Variants in NLGN1 observed in about 807,000 individuals in gnomAD.
NLGN1 encodes the protein neuroligin 1, also known as neuroligin-1.
In NLGN1, 12 loss-of-function variants were observed where a neutral mutation model predicts 65.5. The ratio of observed to expected loss-of-function variants is 0.18; its 90% confidence interval spans 0.12 to 0.30. The LOEUF (loss-of-function observed/expected upper bound fraction) is 0.30. NLGN1 is among the 10% of genes least tolerant of loss of function. The pLI is 1.00. For missense variants in NLGN1, 750 were observed against 1,007.1 expected (o/e 0.74, Z 3.46); for synonymous variants, 350 against 359.5 (o/e 0.97, Z 0.30).
intron 1 of NLGN1, among the ~76,000 whole-genome samples, chr3:173,432,290 T>G (rs1315972344): frequency 6.6e-6 from 1 of 152,208 alleles, no homozygotes; most frequent in East Asian, 1.9e-4. Flanking sequence ...AGTACTTCTG[T>G]AAGAAATTAC....
At chr3:174,082,574 A>G (rs1212784102) in intron 4 of NLGN1, among the ~76,000 whole-genome samples, 2 of 151,856 alleles carry the variant, frequency 1.3e-5, no homozygotes, top group African/African-American at 4.8e-5. Context: ...ATACAATAGT[A>G]TATACTGTAT....
intron 3 of NLGN1, among the ~76,000 whole-genome samples, chr3:173,689,694 T>C (rs1392065181): frequency 1.3e-5 from 2 of 152,160 alleles, no homozygotes; most frequent in Non-Finnish European, 2.9e-5. Context: ...TCTTGAATTA[T>C]TTTTCATTCT....
At chr3:173,959,141 A>G (rs1248280158) in intron 4 of NLGN1, among the ~76,000 whole-genome samples, 1 of 152,172 alleles carries the variant, frequency 6.6e-6, no homozygotes, top group African/African-American at 2.4e-5. Flanking sequence ...AGGGCAGGAC[A>G]CCTGCCTACT....
At chr3:174,169,867 T>C (rs1375597941) in intron 4 of NLGN1, among the ~76,000 whole-genome samples, 1 of 152,100 alleles carries the variant, frequency 6.6e-6, no homozygotes, top group Non-Finnish European at 1.5e-5. Flanking sequence ...CTTTTCCCAG[T>C]GTCTTTCCCT....
At chr3:173,848,504 A>G (rs1049330244) in intron 4 of NLGN1, among the ~76,000 whole-genome samples, 5 of 152,220 alleles carry the variant, frequency 3.3e-5, no homozygotes, top group African/African-American at 1.2e-4. Context: ...AATAATATAC[A>G]GCAATATTAT....
intron 3 of NLGN1, among the ~76,000 whole-genome samples, chr3:173,704,675 G>T (rs1338559470): frequency 6.6e-6 from 1 of 152,116 alleles, no homozygotes; most frequent in African/African-American, 2.4e-5. Context: ...ACACAGAAAA[G>T]CTCAGTGAGA....
At chr3:173,651,523 T>C (rs1171782781) in intron 3 of NLGN1, among the ~76,000 whole-genome samples, 2 of 152,090 alleles carry the variant, frequency 1.3e-5, no homozygotes, top group Non-Finnish European at 2.9e-5. Flanking sequence ...TCTTATTTCT[T>C]TGAGAAGTCT....
chr3:173,952,572 T>G (rs1748420278), intron 4 of NLGN1, among the ~76,000 whole-genome samples: 1 of 152,184 alleles, frequency 6.6e-6, no homozygotes. Context: ...GTACTTTGGT[T>G]ATTTCATCTA....
intron 2 of NLGN1, among the ~76,000 whole-genome samples, chr3:173,539,489 A>ATGTATGTATATGTATATGTATG (rs1738084153): frequency 6.9e-6 from 1 of 144,480 alleles, no homozygotes; most frequent in Non-Finnish European, 1.5e-5. Context: ...ATGCATGTAT[A>ATGTATGTATATGTATATGTATG]TGTATGTATA....
At chr3:173,576,297 T>A (rs557847813) in intron 2 of NLGN1, among the ~76,000 whole-genome samples, 3 of 152,320 alleles carry the variant, frequency 2.0e-5, no homozygotes, top group South Asian at 4.1e-4. Flanking sequence ...ATTTTTAATA[T>A]CTTTAATATT....
chr3:173,801,885 A>G (rs896282544), intron 3 of NLGN1, among the ~76,000 whole-genome samples: 2 of 152,140 alleles, frequency 1.3e-5, no homozygotes, highest in African/African-American at 4.8e-5. Flanking sequence ...TCAAACATTC[A>G]GGATATTTTG....
intron 4 of NLGN1, among the ~76,000 whole-genome samples, chr3:174,071,788 T>C (rs983761739): frequency 6.6e-6 from 1 of 152,060 alleles, no homozygotes; most frequent in African/African-American, 2.4e-5. Context: ...ATAAGAAATA[T>C]TCTCAGTTCA....
At chr3:173,608,799 T>C (rs796860582) in intron 3 of NLGN1, among the ~76,000 whole-genome samples, 1 of 152,012 alleles carries the variant, frequency 6.6e-6, no homozygotes, top group African/African-American at 2.4e-5. Context: ...TTCTTTTTAT[T>C]CTATCAGTTG....
intron 3 of NLGN1, among the ~76,000 whole-genome samples, chr3:173,765,635 T>C (rs1778674617): frequency 6.6e-6 from 1 of 152,190 alleles, no homozygotes; most frequent in Non-Finnish European, 1.5e-5. Flanking sequence ...ATTGTTATTG[T>C]TCCAATCTCT....
At chr3:174,041,624 A>C (rs1732328838) in intron 4 of NLGN1, among the ~76,000 whole-genome samples, 1 of 152,200 alleles carries the variant, frequency 6.6e-6, no homozygotes, top group East Asian at 1.9e-4. Flanking sequence ...TCAGTCTTTT[A>C]ATATTTGTTA....
intron 4 of NLGN1, among the ~76,000 whole-genome samples, chr3:174,053,691 G>A (rs1735408186): frequency 1.3e-5 from 2 of 151,800 alleles, no homozygotes; most frequent in Admixed American, 1.3e-4. Flanking sequence ...TCTTACTCGA[G>A]CCATCTTGTG....
Position 174,280,455 on chromosome 3 carries a change from C to T in NLGN1, c.1650-26C>T. 2 of 1,467,038 alleles carry T rather than the reference C, an allele frequency of 1.4e-6. No homozygotes were observed. The highest frequency in any genetic ancestry group is 2.8e-5 in the African/African-American group (2 of 70,346). The allele number at this position is 1,467,038 out of a possible 1,614,324, so 90.9% of individuals were successfully genotyped here. A position where few individuals can be genotyped will look rare whatever the true frequency, so the allele number is the denominator to read the frequency against. ...AAGTAAAAAATAAAATAGCTTTATT[C>T]TCATAATTTATCTTTTCCTTCTTAG... On this transcript the variant is annotated intron_variant, in intron 6 of 6. Transcript: ENST00000457714. This position sits in a 1 kb window ranked among gnomAD's most constrained non-coding sequence, Gnocchi z 4.9.
At chr3:173,824,282 T>C (rs1720901969) in intron 4 of NLGN1, among the ~76,000 whole-genome samples, 1 of 152,102 alleles carries the variant, frequency 6.6e-6, no homozygotes, top group Admixed American at 6.6e-5. Context: ...AAATGTCAGC[T>C]TTGCCATTTT....
intron 4 of NLGN1, among the ~76,000 whole-genome samples, chr3:173,846,004 C>A (rs6766827): frequency 0.56 from 84,554 of 151,670 alleles, 25,794 homozygotes; most frequent in Non-Finnish European, 0.7. Context: ...GGCTGGTCAG[C>A]TCCTGGACTC....
Sources: allele counts gnomAD v4.1 joint callset (sites outside exome capture counted in the v4.1 genomes callset), GRCh38; gene constraint gnomAD v4.1.1; non-coding constraint Gnocchi (gnomAD v3.1); transcripts MANE v1.5; gene names NCBI Gene and HGNC (gene_info 2026-07-23, HGNC 2026-07-21).